Variants in TRAPPC9 observed in about 807,000 individuals in gnomAD.
The protein encoded by TRAPPC9 is IKK2 binding protein.
Under a neutral mutation model 124.0 loss-of-function variants are expected in TRAPPC9, and 83 were observed. The observed-to-expected ratio is 0.67, with a 90% CI of 0.56 to 0.80. The LOEUF is 0.80. Ranked by LOEUF, TRAPPC9 falls within the 30% of genes least tolerant of loss-of-function variation. The pLI is 0.00. For missense variants in TRAPPC9, 1,302 were observed against 1,508.3 expected (o/e 0.86, Z 2.27); for synonymous variants, 638 against 617.5 (o/e 1.03, Z -0.49).
intron 2 of TRAPPC9, among the ~76,000 whole-genome samples, chr8:140,449,554 G>C (rs73713133): frequency 6.6e-6 from 1 of 152,210 alleles, no homozygotes; most frequent in African/African-American, 2.4e-5. Context: ...AGGCAAGATG[G>C]GAAGCTGACC....
intron 20 of TRAPPC9, 97 bp downstream of exon 20, chr8:139,910,050 G>T: frequency 6.9e-7 from 1 of 1,439,970 alleles, no homozygotes. Context: ...TACCTGTGGT[G>T]AAAATTCAAT....
Position 140,291,015 on chromosome 8 carries a change from A to T in TRAPPC9, c.1832T>A (p.Phe611Tyr). ...TACCATGTTTTCAACTCGAAGTTCA[A>T]ACGGCATTGGGTTATATACCATCAG... The part of the protein sequence containing the change: ...VQLMVYNPMP[F>Y]ELRVENMGLL... Residue 611 changes from phenylalanine to tyrosine, a missense_variant, in exon 12 of 23, where the codon TTT becomes TAT. Around this residue, in one of 3 missense-constraint regions of TRAPPC9, gnomAD observed 657 missense variants for 811.2 expected, o/e 0.81. Transcript: ENST00000438773. The T allele has an allele frequency of 7.4e-6, 12 of 1,614,236 alleles. No homozygotes were observed. The highest frequency in any genetic ancestry group is 9.3e-6 in the Non-Finnish European group (11 of 1,180,036).
chr8:139,865,422 C>T (rs985935820), intron 21 of TRAPPC9, among the ~76,000 whole-genome samples: 1 of 152,204 alleles, frequency 6.6e-6, no homozygotes, highest in Non-Finnish European at 1.5e-5. Flanking sequence ...ACTTTGTACC[C>T]ACTCTGTGTT....
At chr8:139,816,588 G>A (rs1824854566) in intron 21 of TRAPPC9, among the ~76,000 whole-genome samples, 1 of 151,774 alleles carries the variant, frequency 6.6e-6, no homozygotes, top group South Asian at 2.1e-4. Context: ...CTGCTCCTCA[G>A]AGAACATCCC....
At chr8:139,971,766 T>TACACACACACAC (rs67617366) in intron 19 of TRAPPC9, among the ~76,000 whole-genome samples, 49 of 57,910 alleles carry the variant, frequency 8.5e-4, no homozygotes, top group African/African-American at 1.9e-3. Context: ...CACACACACA[T>TACACACACACAC]ATATATATAC....
chr8:140,045,143 G>T (rs960289065), intron 17 of TRAPPC9, among the ~76,000 whole-genome samples: 2 of 152,178 alleles, frequency 1.3e-5, no homozygotes, highest in African/African-American at 2.4e-5. Flanking sequence ...AAAGGAGAAG[G>T]AGGTGAGGAG....
chr8:140,335,696 G>A, intron 9 of TRAPPC9, among the ~76,000 whole-genome samples: 1 of 141,762 alleles, frequency 7.1e-6, no homozygotes, highest in South Asian at 2.2e-4. Flanking sequence ...CCCATCATAA[G>A]TCTTCACAAT....
chr8:139,982,973 G>A (rs373412293), intron 19 of TRAPPC9, among the ~76,000 whole-genome samples: 24 of 152,116 alleles, frequency 1.6e-4, no homozygotes, highest in African/African-American at 3.9e-4. Flanking sequence ...TCGTCACGTC[G>A]TGCTGTAAAT....
At chr8:140,026,752 A>G (rs575359797) in intron 17 of TRAPPC9, among the ~76,000 whole-genome samples, 28 of 152,214 alleles carry the variant, frequency 1.8e-4, no homozygotes, top group South Asian at 1.7e-3. Context: ...GTTCCCTTCA[A>G]TATTTGTACT....
intron 17 of TRAPPC9, among the ~76,000 whole-genome samples, chr8:140,143,252 G>A (rs2061408028): frequency 6.6e-6 from 1 of 152,144 alleles, no homozygotes; most frequent in Non-Finnish European, 1.5e-5. Flanking sequence ...CAGAAGTCTG[G>A]GCATGGTCAT....
chr8:139,932,161 C>G (rs1833188100), intron 19 of TRAPPC9: 5 of 377,076 alleles, frequency 1.3e-5, no homozygotes, highest in South Asian at 9.9e-5. Context: ...TGCTCAGAAG[C>G]ATTGACCTTA....
intron 7 of TRAPPC9, among the ~76,000 whole-genome samples, chr8:140,382,590 C>T (rs184325096): frequency 0.011 from 1,697 of 152,302 alleles, 17 homozygotes; most frequent in Middle Eastern, 0.02. Context: ...GATCAAACTG[C>T]AAGGTGGCAG....
intron 20 of TRAPPC9, among the ~76,000 whole-genome samples, chr8:139,894,832 C>A (rs1238895343): frequency 1.3e-5 from 2 of 152,148 alleles, no homozygotes; most frequent in South Asian, 2.1e-4. Context: ...ACGCTCAGAG[C>A]AGTGACCAAT....
intron 21 of TRAPPC9, among the ~76,000 whole-genome samples, chr8:139,879,437 C>A (rs1431910442): frequency 6.6e-6 from 1 of 152,192 alleles, no homozygotes; most frequent in Non-Finnish European, 1.5e-5. Context: ...TCTTCTCATG[C>A]ACCACCACAC....
chr8:139,736,364 C>A (rs1217994578), intron 21 of TRAPPC9, among the ~76,000 whole-genome samples: 1 of 152,224 alleles, frequency 6.6e-6, no homozygotes, highest in Non-Finnish European at 1.5e-5. Flanking sequence ...CGAGGCCTGG[C>A]ATCCACAATG....
chr8:140,114,501 T>C (rs117886449), intron 17 of TRAPPC9, among the ~76,000 whole-genome samples: 2,001 of 152,252 alleles, frequency 0.013, 39 homozygotes, highest in Non-Finnish European at 0.014. Flanking sequence ...TTAAGCTTGA[T>C]CAGAAAGATG....
chr8:140,125,584 A>ATTTTTT (rs1442863537), intron 17 of TRAPPC9, among the ~76,000 whole-genome samples: 1 of 108,230 alleles, frequency 9.2e-6, no homozygotes. Context: ...ATCGAATCTC[A>ATTTTTT]TTCTTTTTTT....
At chr8:140,440,456 G>A (rs1036971904) in intron 2 of TRAPPC9, among the ~76,000 whole-genome samples, 3 of 151,900 alleles carry the variant, frequency 2.0e-5, no homozygotes, top group Admixed American at 6.6e-5. Context: ...GCAGTGAGCC[G>A]AGATCATGCC....
rs557197729 is a variant in TRAPPC9 at position 140,085,535 on chromosome 8, G to A, written c.2557-61456C>T. Among the ~76,000 whole-genome samples, 37 of 152,278 alleles carry A rather than the reference G, an allele frequency of 2.4e-4. No homozygotes were observed. The South Asian group carries it at 5.8e-3, about 24-fold the overall frequency. On this transcript the variant is annotated intron_variant, in intron 17 of 22. Coordinates refer to ENST00000438773, the MANE Select transcript of TRAPPC9 (RefSeq NM_001160372.4). ...CGAATGGAAATGCCAGGGAAGCCCC[G>A]TCAGGCAGCCCGGCCTAAGCTCTGA...
Sources: allele counts gnomAD v4.1 joint callset (sites outside exome capture counted in the v4.1 genomes callset), GRCh38; gene constraint gnomAD v4.1.1; regional missense constraint gnomAD v4.1.1; transcripts MANE v1.5; gene names NCBI Gene and HGNC (gene_info 2026-07-23, HGNC 2026-07-21).